Variants in EREG observed in about 807,000 individuals in gnomAD.
EREG encodes proepiregulin.
Under a neutral mutation model 22.4 loss-of-function variants are expected in EREG, and 23 were observed. The ratio of observed to expected loss-of-function variants is 1.03; its 90% CI spans 0.74 to 1.46. EREG has a LOEUF of 1.46. Ranked by LOEUF, EREG falls within the 40% of genes most tolerant of loss-of-function variation. EREG has a pLI of 0.00. For missense variants in EREG, 226 were observed against 205.9 expected (o/e 1.10, Z -0.60); for synonymous variants, 100 against 75.4 (o/e 1.33, Z -1.69).
chr4:74,384,168 C>A (rs1039496218), intron 4 of EREG, among the ~76,000 whole-genome samples: 2 of 152,116 alleles, frequency 1.3e-5, no homozygotes, highest in Non-Finnish European at 2.9e-5. Flanking sequence ...ATATACAACC[C>A]ATTTGTATTT....
rs1752556122 is a variant in EREG, at chr4:74,385,552, C to T, written c.*744C>T. The T allele has an allele frequency of 4.3e-6, 1 of 230,486 alleles. No individual in the cohort carries two copies. The highest frequency in any genetic ancestry group is 2.2e-5 in the African/African-American group (1 of 44,948). The allele number at this position is 230,486 out of a possible 1,614,324, so 14.3% of individuals were successfully genotyped here. A position where few individuals can be genotyped will look rare whatever the true frequency, so the allele number is the denominator to read the frequency against. ...TATTTAAGTAGTGGGCATTTCATAGCTTCACAATGTTCCTTTTTTGTATAT... is the reference window on the plus strand; with the variant it reads ...TATTTAAGTAGTGGGCATTTCATAGTTTCACAATGTTCCTTTTTTGTATAT... On this transcript the variant is annotated 3_prime_UTR_variant, in exon 5 of 5. Transcript: ENST00000244869.
In EREG at chr4:74,368,769, G is replaced by T. The variant is rs1993665; in HGVS notation, c.67+3394G>T. ...CTTTGAGTGTAGGCCTGTACAAATC[G>T]TCTAATTAATATGGCTGTAACTGCT... On this transcript the variant is annotated intron_variant, in intron 1 of 4. Coordinates refer to ENST00000244869, the MANE Select transcript of EREG (RefSeq NM_001432.3). 2.6e-5 allele frequency among the ~76,000 whole-genome samples: 4 copies of T among 152,112 alleles called. No individual in the cohort carries two copies. In the South Asian group the frequency reaches 8.3e-4, roughly 32 times the overall value.
At chr4:74,381,820 C>CAAA (rs574111716) in intron 3 of EREG, 1 of 135,382 alleles carries the variant, frequency 7.4e-6, no homozygotes, top group Non-Finnish European at 1.6e-5. Context: ...ACTAAAAATA[C>CAAA]AAAAAAAAAA....
In EREG at chr4:74,365,374, G is replaced by A; in HGVS notation, c.66G>A (p.Leu22=). ...AGRVPALLLC[L]GFHLLQAVLS... Reference sequence around the variant, plus strand: ...GGGTCCCTGCGCTGCTGCTCTGCCTGGGTAAGTTCTCCCCCTCTGGCTTCC... The same window carrying A: ...GGGTCCCTGCGCTGCTGCTCTGCCTAGGTAAGTTCTCCCCCTCTGGCTTCC... The change falls in exon 1 of 5, where the codon CTG becomes CTA. Residue 22 remains leucine, a splice_region_variant and synonymous_variant. Transcript: ENST00000244869. The A allele has an allele frequency of 6.2e-7, 1 of 1,611,856 alleles. No homozygotes were observed. The highest frequency in any genetic ancestry group is 8.5e-7 in the Non-Finnish European group (1 of 1,179,886).
intron 1 of EREG, among the ~76,000 whole-genome samples, chr4:74,368,649 G>C (rs1003957466): frequency 1.5e-4 from 23 of 152,142 alleles, no homozygotes; most frequent in Non-Finnish European, 1.8e-4. Flanking sequence ...CCATTTCCTG[G>C]TTAATGTTCA....
At chr4:74,371,886 C>A (rs927707299) in intron 1 of EREG, among the ~76,000 whole-genome samples, 1 of 151,026 alleles carries the variant, frequency 6.6e-6, no homozygotes, top group African/African-American at 2.4e-5. Flanking sequence ...AGAAACTTGG[C>A]ATCATCTATA....
chr4:74,365,400 G>A, intron 1 of EREG, 25 bp downstream of exon 1: 2 of 1,609,848 alleles, frequency 1.2e-6, no homozygotes, highest in South Asian at 1.1e-5. Context: ...TCTGGCTTCC[G>A]GCCGCCCCAA....
intron 1 of EREG, among the ~76,000 whole-genome samples, chr4:74,373,270 A>G (rs1268953674): frequency 6.6e-6 from 1 of 152,070 alleles, no homozygotes; most frequent in Non-Finnish European, 1.5e-5. Flanking sequence ...ATGTAAGCGA[A>G]ATATATTAGC....
At chr4:74,376,413 A>G (rs981677184) in intron 1 of EREG, among the ~76,000 whole-genome samples, 3 of 152,224 alleles carry the variant, frequency 2.0e-5, no homozygotes, top group Admixed American at 6.5e-5. Context: ...TAAAACTCCA[A>G]TTTGTACCGA....
chr4:74,371,810 C>A (rs1752295547), intron 1 of EREG, among the ~76,000 whole-genome samples: 1 of 151,896 alleles, frequency 6.6e-6, no homozygotes, highest in Non-Finnish European at 1.5e-5. Context: ...CACCACAAGC[C>A]TGCTGTCCTG....
intron 1 of EREG, among the ~76,000 whole-genome samples, chr4:74,374,295 G>T (rs1481428528): frequency 6.6e-6 from 1 of 152,068 alleles, no homozygotes; most frequent in Admixed American, 6.5e-5. Flanking sequence ...TTATTTTGCT[G>T]ACTTGGCTTG....
intron 1 of EREG, among the ~76,000 whole-genome samples, chr4:74,375,704 C>T (rs1242975177): frequency 1.3e-5 from 2 of 152,012 alleles, no homozygotes; most frequent in African/African-American, 4.8e-5. Flanking sequence ...TTCATTGGAT[C>T]GCATTCACTC....
At position 74,387,945 on chromosome 4, in the gene EREG, C is replaced by T. The variant is rs1458845311; in HGVS notation, c.*3137C>T. 6.6e-6 allele frequency: 1 copy of T among 152,182 alleles called. No homozygotes were observed. The highest frequency in any genetic ancestry group is 1.5e-5 in the Non-Finnish European group (1 of 68,022). The allele number at this position is 152,182 out of a possible 1,614,324, so 9.4% of individuals were successfully genotyped here. On this transcript the variant is annotated 3_prime_UTR_variant, in exon 5 of 5. Transcript: ENST00000244869. ...TAAAATTGATATTATATTAAACATACATAATACAATGTAACTCCACTGTTC... is the reference window on the plus strand; with the variant it reads ...TAAAATTGATATTATATTAAACATATATAATACAATGTAACTCCACTGTTC...
chr4:74,369,578 T>C (rs1471264721), intron 1 of EREG, among the ~76,000 whole-genome samples: 1 of 152,210 alleles, frequency 6.6e-6, no homozygotes, highest in Non-Finnish European at 1.5e-5. Context: ...TGGAGATATA[T>C]GTAATATTCA....
At chr4:74,369,991 G>T (rs1439900282) in intron 1 of EREG, among the ~76,000 whole-genome samples, 1 of 151,688 alleles carries the variant, frequency 6.6e-6, no homozygotes, top group Non-Finnish European at 1.5e-5. Context: ...TGCCTTTTTA[G>T]CCCAGAAAGT....
Position 74,385,855 on chromosome 4 carries a change from G to T in EREG, c.*1047G>T, listed in dbSNP as rs1247807617. On this transcript the variant is annotated 3_prime_UTR_variant, in exon 5 of 5. Transcript: ENST00000244869. Reference sequence around the variant, plus strand: ...TTAACTTTAATACAGCTCAGTAAATGGCTTCTTCTAGAATGTAAAGTTATG... The same window carrying T: ...TTAACTTTAATACAGCTCAGTAAATTGCTTCTTCTAGAATGTAAAGTTATG... The T allele has an allele frequency of 1.5e-5, 6 of 396,516 alleles. No homozygotes were observed. Among genetic ancestry groups the T allele is most frequent in the Non-Finnish European group, 2.7e-5 (6 of 224,892 alleles). 24.6% of individuals were successfully genotyped at this position (396,516 alleles called of 1,614,324 possible). A position where few individuals can be genotyped will look rare whatever the true frequency, so the allele number is the denominator to read the frequency against.
chr4:74,376,872 T>C (rs1752389254), intron 1 of EREG, among the ~76,000 whole-genome samples: 1 of 152,210 alleles, frequency 6.6e-6, no homozygotes, highest in African/African-American at 2.4e-5. Flanking sequence ...GAATTAAGTG[T>C]GAAATTTGAT....
intron 1 of EREG, among the ~76,000 whole-genome samples, chr4:74,368,262 G>A (rs144333991): frequency 3.4e-4 from 52 of 152,268 alleles, no homozygotes; most frequent in African/African-American, 1.3e-3. Flanking sequence ...CTCTTAAGCT[G>A]TGCTAAAATA....
intron 1 of EREG, among the ~76,000 whole-genome samples, chr4:74,371,795 A>G: frequency 6.6e-6 from 1 of 151,990 alleles, no homozygotes; most frequent in African/African-American, 2.4e-5. Flanking sequence ...TTCATGCCCA[A>G]ATGCCACCAC....
Sources: gnomAD v4.1 joint callset for allele counts (sites outside exome capture counted in the v4.1 genomes callset) on GRCh38, gnomAD v4.1.1 for gene constraint, MANE v1.5 for transcripts, NCBI Gene and HGNC (gene_info 2026-07-23, HGNC 2026-07-21) for gene names.